The following CFAP52 variants were observed in gnomAD, a reference collection of about 807,000 sequenced individuals.
CFAP52 encodes cilia and flagella associated protein 52.
In CFAP52, 57 loss-of-function variants were observed where a neutral mutation model predicts 70.5. The ratio of observed to expected loss-of-function variants is 0.81; its 90% confidence interval spans 0.65 to 1.01. CFAP52 has a LOEUF of 1.01. Among genes scored for constraint, CFAP52 ranks in the 50% least tolerant of loss-of-function variants. The pLI is 0.00. For synonymous variants in CFAP52, 267 were observed against 292.5 expected (o/e 0.91, Z 0.89); for missense variants, 785 against 788.5 (o/e 1.00, Z 0.05).
intron 12 of CFAP52, 120 bp from the exon 13 acceptor site, chr17:9,641,604 T>C: frequency 1.6e-6 from 1 of 628,598 alleles, no homozygotes; most frequent in African/African-American, 1.8e-5. Context: ...TTTCAGCCAG[T>C]ATCATCCCGT....
chr17:9,629,058 T>C (rs2151947933), intron 9 of CFAP52, among the ~76,000 whole-genome samples: 1 of 152,306 alleles, frequency 6.6e-6, no homozygotes, highest in South Asian at 2.1e-4. Flanking sequence ...ATAGCGTGAA[T>C]CTTTCTCTCT....
intron 9 of CFAP52, among the ~76,000 whole-genome samples, chr17:9,631,376 C>A (rs936720198): frequency 6.6e-6 from 1 of 152,166 alleles, no homozygotes; most frequent in East Asian, 1.9e-4. Context: ...CCATGGCTCA[C>A]TCCCTCACCC....
At chr17:9,594,091 G>A (rs1908886549) in intron 3 of CFAP52, 102 bp from the exon 4 acceptor site, 1 of 1,447,824 alleles carries the variant, frequency 6.9e-7, no homozygotes, top group Non-Finnish European at 9.1e-7. Context: ...TAAGTAACCT[G>A]TTGTGTTTTT....
intron 9 of CFAP52, among the ~76,000 whole-genome samples, chr17:9,631,028 A>AAGAAAGAAAG (rs1555544250): frequency 2.2e-5 from 1 of 44,710 alleles, no homozygotes; most frequent in African/African-American, 1.2e-4. Flanking sequence ...GAAAGAAAGA[A>AAGAAAGAAAG]AGAGAGAGAG....
At chr17:9,627,764 A>G (rs1910294821) in intron 8 of CFAP52, among the ~76,000 whole-genome samples, 1 of 152,154 alleles carries the variant, frequency 6.6e-6, no homozygotes, top group Non-Finnish European at 1.5e-5. Context: ...TCTGTCATCC[A>G]GGCTGGAGTG....
At chr17:9,611,260 T>C (rs1414047990) in intron 7 of CFAP52, among the ~76,000 whole-genome samples, 1 of 152,032 alleles carries the variant, frequency 6.6e-6, no homozygotes, top group Non-Finnish European at 1.5e-5. Context: ...TTTTTTTAAG[T>C]TCATACTCAT....
intron 13 of CFAP52, 97 bp downstream of exon 13, chr17:9,641,932 G>A: frequency 2.0e-6 from 2 of 1,006,204 alleles, no homozygotes; most frequent in Middle Eastern, 2.5e-4. Context: ...GACAACAAAA[G>A]GGTCTCAAGG....
chr17:9,636,229 AAGAAAGAAAGAAAGAAAGAAAGAG>A lies in CFAP52; in HGVS notation c.1472+675_1472+698del, dbSNP rs1246105807. Among the ~76,000 whole-genome samples, 380 of 149,802 alleles carry A rather than the reference AAGAAAGAAAGAAAGAAAGAAAGAG, an allele frequency of 2.5e-3. 14 individuals are homozygous for A. Among genetic ancestry groups the A allele is most frequent in the South Asian group, 0.011 (53 of 4,692 alleles). On this transcript the variant is annotated intron_variant, in intron 11 of 13. Transcript: ENST00000352665. Reference sequence around the variant, plus strand: ...AAAGAAAGAAAGAAAGAAAGAAAGAAAGAAAGAAAGAAAGAAAGAAAGAGAAAGAAAAATAACTAATGCAGGCAG... The same window carrying A: ...AAAGAAAGAAAGAAAGAAAGAAAGAAAAAGAAAAATAACTAATGCAGGCAG...
intron 11 of CFAP52, among the ~76,000 whole-genome samples, chr17:9,636,181 A>AAGAG (rs766883955): frequency 4.0e-5 from 2 of 50,094 alleles, no homozygotes. Context: ...TCTCAAAAAA[A>AAGAG]AGAAAGAAAG....
chr17:9,610,094 G>A (rs933765635), intron 7 of CFAP52, among the ~76,000 whole-genome samples: 1 of 152,102 alleles, frequency 6.6e-6, no homozygotes, highest in African/African-American at 2.4e-5. Flanking sequence ...AGGTGAGGTG[G>A]GGGAGAGGAA....
intron 9 of CFAP52, 118 bp from the exon 10 acceptor site, chr17:9,632,769 CT>C: frequency 7.1e-7 from 1 of 1,405,450 alleles, no homozygotes; most frequent in South Asian, 1.5e-5. Flanking sequence ...CTGAGCTGGT[CT>C]CTTTCCTCCA....
rs552685356 is a variant in CFAP52, at chr17:9,591,927, A to T, written c.408-2266A>T. ...TTAAAGCTATTTCCGGCCATGGCTT[A>T]TAAAGAAACTGTGCTGTCCTACTAT... On this transcript the variant is annotated intron_variant, in intron 3 of 13. Coordinates refer to ENST00000352665, the MANE Select transcript of CFAP52 (RefSeq NM_145054.5). Among the ~76,000 whole-genome samples, 52 of 152,294 alleles carry T rather than the reference A, an allele frequency of 3.4e-4. 1 individual carries two copies. The highest frequency in any genetic ancestry group is 2.5e-4 in the Non-Finnish European group (17 of 68,018).
intron 11 of CFAP52, among the ~76,000 whole-genome samples, chr17:9,636,984 G>A (rs932572895): frequency 2.0e-4 from 30 of 152,298 alleles, no homozygotes; most frequent in African/African-American, 6.3e-4. Context: ...GGCGGAGGTT[G>A]CAGTGAGCTG....
Position 9,641,788 on chromosome 17 carries a change from C to A in CFAP52, c.1640C>A (p.Ser547Ter), listed in dbSNP as rs756886009. 6.2e-7 allele frequency: 1 copy of A among 1,613,720 alleles called. No homozygotes were observed. The highest frequency in any genetic ancestry group is 1.1e-5 in the South Asian group (1 of 91,044). Residue 547 changes from serine to a stop codon, truncating the protein, a stop_gained, in exon 13 of 14, where the codon TCG becomes TAG. Coordinates refer to ENST00000352665, the MANE Select transcript of CFAP52 (RefSeq NM_145054.5). LOFTEE classifies it high-confidence loss of function. The stretch of plus-strand genomic sequence containing the variant: ...GAATTGGAAGGTTCCCTGTCTGGGT[C>A]GATAAATGGCATGGATATCACACAG... The part of the protein sequence containing the change: ...IRELEGSLSG[S>*]INGMDITQEG...
At chr17:9,602,751 A>G (rs2151937689) in intron 6 of CFAP52, among the ~76,000 whole-genome samples, 1 of 152,302 alleles carries the variant, frequency 6.6e-6, no homozygotes, top group South Asian at 2.1e-4. Flanking sequence ...AAGTGTTCCT[A>G]TTTCTCCACA....
intron 1 of CFAP52, chr17:9,584,372 G>C (rs1372637214): frequency 1.9e-5 from 24 of 1,281,018 alleles, no homozygotes; most frequent in Non-Finnish European, 2.4e-5. Flanking sequence ...AGAGCACCTG[G>C]TGGGCACTCA....
At chr17:9,629,589 C>T (rs1910378081) in intron 9 of CFAP52, among the ~76,000 whole-genome samples, 1 of 147,250 alleles carries the variant, frequency 6.8e-6, no homozygotes, top group Admixed American at 6.9e-5. Context: ...CTCTTGTTGC[C>T]CAAGCTGGAG....
At chr17:9,608,095 T>C in intron 6 of CFAP52, 24 bp from the exon 7 acceptor site, 1 of 1,590,062 alleles carries the variant, frequency 6.3e-7, no homozygotes, top group Non-Finnish European at 8.6e-7. Flanking sequence ...TTGTGCTTTT[T>C]CTTAACACAG....
chr17:9,625,167 C>A lies in CFAP52; in HGVS notation c.1026-3505C>A, dbSNP rs573698440. Reference sequence around the variant, plus strand: ...AACCTCTCAGATTGACCCCATGTAGCTGTCTTTAGCAGTAGAATCCTTAAA... The same window carrying A: ...AACCTCTCAGATTGACCCCATGTAGATGTCTTTAGCAGTAGAATCCTTAAA... On this transcript the variant is annotated intron_variant, in intron 8 of 13. Coordinates refer to ENST00000352665, the MANE Select transcript of CFAP52 (RefSeq NM_145054.5). Among the ~76,000 whole-genome samples, 11 of 152,078 alleles carry A rather than the reference C, an allele frequency of 7.2e-5. 1 individual carries two copies. In the South Asian group the frequency reaches 2.3e-3, roughly 32 times the overall value.
Sources: gnomAD v4.1 joint callset for allele counts (sites outside exome capture counted in the v4.1 genomes callset) on GRCh38, gnomAD v4.1.1 for gene constraint, MANE v1.5 for transcripts, NCBI Gene and HGNC (gene_info 2026-07-23, HGNC 2026-07-21) for gene names.